Variants in LARGE1 observed in about 807,000 individuals in gnomAD.
LARGE1 encodes LARGE xylosyl- and glucuronyltransferase 1, also known as xylosyl- and glucuronyltransferase LARGE1.
LARGE1 carries 43 observed loss-of-function variants against 87.6 expected under a neutral mutation model. The observed-to-expected ratio is 0.49, with a 90% CI of 0.38 to 0.63. The LOEUF (loss-of-function observed/expected upper bound fraction) is 0.63. Ranked by LOEUF, LARGE1 falls within the 30% of genes least tolerant of loss-of-function variation. LARGE1 has a pLI of 0.00. For synonymous variants in LARGE1, 434 were observed against 394.6 expected (o/e 1.10, Z -1.18); for missense variants, 802 against 1,000.2 (o/e 0.80, Z 2.67).
At chr22:33,115,122 T>A in the LARGE1 span, among the ~76,000 whole-genome samples, 1 of 152,180 alleles carries the variant, frequency 6.6e-6, no homozygotes, top group Non-Finnish European at 1.5e-5. Flanking sequence ...TATTACAAAC[T>A]AAATTGTGCC....
chr22:33,886,675 GA>G (rs1211215216), intron 1 of LARGE1, among the ~76,000 whole-genome samples: 3 of 64,718 alleles, frequency 4.6e-5, no homozygotes, highest in Non-Finnish European at 9.7e-5. Flanking sequence ...AAAAAAAAAA[GA>G]AAAAAAAAGG....
At chr22:33,715,069 C>T (rs1256475923) in intron 2 of LARGE1, among the ~76,000 whole-genome samples, 1 of 152,174 alleles carries the variant, frequency 6.6e-6, no homozygotes, top group Non-Finnish European at 1.5e-5. Flanking sequence ...CATCTTTGGG[C>T]TCCTACCTTT....
chr22:33,439,642 G>A (rs1239533247), intron 6 of LARGE1, among the ~76,000 whole-genome samples: 3 of 152,074 alleles, frequency 2.0e-5, no homozygotes, highest in Admixed American at 2.0e-4. Context: ...ACTATTGACT[G>A]GAAGATGATC....
chr22:33,285,855 A>G (rs1216304552), intron 12 of LARGE1, among the ~76,000 whole-genome samples: 1 of 152,146 alleles, frequency 6.6e-6, no homozygotes, highest in Non-Finnish European at 1.5e-5. Context: ...TCATTGAATA[A>G]TGAGGGGGAA....
the LARGE1 span, among the ~76,000 whole-genome samples, chr22:33,072,555 A>C: frequency 4.5e-4 from 68 of 152,288 alleles, no homozygotes; most frequent in Middle Eastern, 3.4e-3. Flanking sequence ...GAAGCTCATA[A>C]AAAAGTGATG....
At chr22:33,835,552 T>C (rs2063087637) in intron 1 of LARGE1, among the ~76,000 whole-genome samples, 1 of 152,178 alleles carries the variant, frequency 6.6e-6, no homozygotes, top group African/African-American at 2.4e-5. Flanking sequence ...AGGTGAGAAA[T>C]GACATTTGAG....
At chr22:33,465,062 C>G (rs543743641) in intron 6 of LARGE1, among the ~76,000 whole-genome samples, 1 of 152,308 alleles carries the variant, frequency 6.6e-6, no homozygotes, top group East Asian at 1.9e-4. Context: ...TGGCAAACAT[C>G]CAAATGTCCT....
At chr22:33,773,735 G>A (rs150428604) in intron 1 of LARGE1, among the ~76,000 whole-genome samples, 114 of 152,312 alleles carry the variant, frequency 7.5e-4, no homozygotes, top group African/African-American at 2.6e-3. Flanking sequence ...TGTTATCCTG[G>A]AGCCTCCCGT....
chr22:33,222,902 A>G (rs1925526853), intron 11 of LARGE1, among the ~76,000 whole-genome samples: 1 of 152,070 alleles, frequency 6.6e-6, no homozygotes, highest in Non-Finnish European at 1.5e-5. Flanking sequence ...CCCCAGAGGG[A>G]GCAACATGAC....
intron 3 of LARGE1, among the ~76,000 whole-genome samples, chr22:33,640,331 A>G (rs773082222): frequency 3.6e-4 from 55 of 152,212 alleles, no homozygotes; most frequent in South Asian, 4.1e-4. Context: ...AAGTGCATCT[A>G]TTGGAGGTTC....
the LARGE1 span, among the ~76,000 whole-genome samples, chr22:33,102,740 C>T: frequency 6.6e-6 from 1 of 152,060 alleles, no homozygotes; most frequent in Non-Finnish European, 1.5e-5. Context: ...ACCCGTCCGC[C>T]TCGGCTTTCC....
chr22:33,901,067 G>A (rs140783265), intron 1 of LARGE1, among the ~76,000 whole-genome samples: 89 of 152,270 alleles, frequency 5.8e-4, no homozygotes, highest in African/African-American at 2.1e-3. Context: ...GGGAGGGGGG[G>A]TTGTTTGCAC....
intron 6 of LARGE1, among the ~76,000 whole-genome samples, chr22:33,524,866 A>C (rs954839922): frequency 6.6e-6 from 1 of 152,140 alleles, no homozygotes; most frequent in Non-Finnish European, 1.5e-5. Context: ...TTTCTGTCCC[A>C]TGTTTATCTA....
intron 2 of LARGE1, among the ~76,000 whole-genome samples, chr22:33,663,429 C>T (rs1444722158): frequency 6.6e-6 from 1 of 152,176 alleles, no homozygotes; most frequent in African/African-American, 2.4e-5. Context: ...CTCAATACCA[C>T]TATAAGGCAA....
At chr22:33,745,308 G>GA (rs1163099005) in intron 2 of LARGE1, among the ~76,000 whole-genome samples, 1 of 152,058 alleles carries the variant, frequency 6.6e-6, no homozygotes, top group African/African-American at 2.4e-5. Context: ...AGAGCAAAAT[G>GA]AAAAAATTTT....
chr22:33,599,927 T>C (rs1320389971), intron 5 of LARGE1, among the ~76,000 whole-genome samples: 1 of 152,198 alleles, frequency 6.6e-6, no homozygotes, highest in Admixed American at 6.5e-5. Flanking sequence ...CTTCCTAGCA[T>C]ACCTGTCATG....
At chr22:33,601,451 G>C (rs1245546525) in intron 5 of LARGE1, among the ~76,000 whole-genome samples, 1 of 152,164 alleles carries the variant, frequency 6.6e-6, no homozygotes, top group African/African-American at 2.4e-5. Context: ...GGAGTAGGCA[G>C]ATCATGGCTT....
At chr22:33,877,277 T>G (rs2064496798) in intron 1 of LARGE1, among the ~76,000 whole-genome samples, 1 of 152,196 alleles carries the variant, frequency 6.6e-6, no homozygotes, top group Admixed American at 6.5e-5. Context: ...CATGTAATTT[T>G]ATTGTTAACC....
chr22:33,730,811 GC>G, intron 2 of LARGE1, among the ~76,000 whole-genome samples: 1 of 151,820 alleles, frequency 6.6e-6, no homozygotes, highest in Middle Eastern at 3.4e-3. Context: ...TTTTGCCTCA[GC>G]CTCCCAAGTA....
Sources: gnomAD v4.1 joint callset for allele counts (sites outside exome capture counted in the v4.1 genomes callset) on GRCh38, gnomAD v4.1.1 for gene constraint, MANE v1.5 for transcripts, NCBI Gene and HGNC (gene_info 2026-07-23, HGNC 2026-07-21) for gene names.